The following KCNN3 variants were observed in gnomAD, a reference collection of about 807,000 sequenced individuals.
KCNN3 encodes the protein small conductance calcium-activated potassium channel protein 3.
Under a neutral mutation model 62.9 loss-of-function variants are expected in KCNN3, and 16 were observed. That is an observed-to-expected ratio of 0.25 (90% confidence interval 0.17 to 0.39). The LOEUF is 0.39. Among genes scored for constraint, KCNN3 ranks in the 10% least tolerant of loss-of-function variants. The pLI is 1.00. For synonymous variants in KCNN3, 370 were observed against 389.2 expected, an observed-to-expected ratio of 0.95 and a Z score of 0.58; for missense variants, 599 against 949.4, an observed-to-expected ratio of 0.63 and a Z score of 4.85.
At chr1:154,843,748 A>G (rs1251841908) in intron 1 of KCNN3, among the ~76,000 whole-genome samples, 1 of 152,204 alleles carries the variant, frequency 6.6e-6, no homozygotes. Flanking sequence ...CTTGCTTCCC[A>G]CAGAACCCAA....
intron 1 of KCNN3, among the ~76,000 whole-genome samples, chr1:154,826,857 G>A (rs1194472313): frequency 3.3e-5 from 5 of 152,226 alleles, no homozygotes. Flanking sequence ...CTTACAGACA[G>A]AGACCTGGAG....
chr1:154,786,804 A>G (rs1428646673), intron 2 of KCNN3, among the ~76,000 whole-genome samples: 9 of 152,204 alleles, frequency 5.9e-5, no homozygotes, highest in Admixed American at 5.2e-4. Context: ...AGAAGCCTAT[A>G]TTGCTTTTGT....
intron 1 of KCNN3, among the ~76,000 whole-genome samples, chr1:154,830,474 T>C (rs1393670234): frequency 6.6e-6 from 1 of 152,174 alleles, no homozygotes; most frequent in African/African-American, 2.4e-5. Context: ...GTTGTGTGGC[T>C]TTAGTGGTGT....
At chr1:154,857,626 T>C (rs16836479) in intron 1 of KCNN3, among the ~76,000 whole-genome samples, 2,209 of 152,268 alleles carry the variant, frequency 0.015, 54 homozygotes, top group African/African-American at 0.051. Context: ...TGCTGCACAA[T>C]GTGAGGGCGT....
At chr1:154,790,313 C>T (rs1649458009) in intron 2 of KCNN3, among the ~76,000 whole-genome samples, 1 of 152,164 alleles carries the variant, frequency 6.6e-6, no homozygotes, top group Non-Finnish European at 1.5e-5. Flanking sequence ...TACTCCTTAA[C>T]TTATGATGGG....
intron 3 of KCNN3, among the ~76,000 whole-genome samples, chr1:154,734,039 G>A (rs1262494287): frequency 6.6e-6 from 1 of 152,202 alleles, no homozygotes; most frequent in Non-Finnish European, 1.5e-5. Flanking sequence ...CCAAACACAT[G>A]AGGGTCCACA....
chr1:154,861,209 C>A (rs1045665582), intron 1 of KCNN3, among the ~76,000 whole-genome samples: 7 of 152,164 alleles, frequency 4.6e-5, no homozygotes, highest in African/African-American at 1.7e-4. Flanking sequence ...CCCTCCTTGG[C>A]CTCTCAAAGT....
chr1:154,818,961 C>T (rs1230119519), intron 2 of KCNN3, among the ~76,000 whole-genome samples: 1 of 152,194 alleles, frequency 6.6e-6, no homozygotes, highest in Non-Finnish European at 1.5e-5. Flanking sequence ...ATCATCTGGT[C>T]CCTGCTAAAA....
At chr1:154,760,001 C>T (rs1205422073) in intron 3 of KCNN3, among the ~76,000 whole-genome samples, 1 of 151,814 alleles carries the variant, frequency 6.6e-6, no homozygotes, top group African/African-American at 2.4e-5. Context: ...TCTTTCTCCT[C>T]TCTTTCTTTT....
chr1:154,725,076 G>A (rs978902049), intron 5 of KCNN3, among the ~76,000 whole-genome samples: 3 of 152,148 alleles, frequency 2.0e-5, no homozygotes, highest in Middle Eastern at 3.4e-3. Flanking sequence ...GGATGGTCTC[G>A]ATCTCTTGAC....
chr1:154,741,455 G>GT (rs1700820428), intron 3 of KCNN3, among the ~76,000 whole-genome samples: 1 of 152,200 alleles, frequency 6.6e-6, no homozygotes, highest in Non-Finnish European at 1.5e-5. Context: ...CAAAAGTGAG[G>GT]CTTGCTTCAG....
rs543677682 is a variant in KCNN3 at position 154,825,941 on chromosome 1, G to A, written c.934-3757C>T. 3.7e-3 allele frequency among the ~76,000 whole-genome samples: 561 copies of A among 151,580 alleles called. 1 individual carries two copies. The highest frequency in any genetic ancestry group is 0.013 in the African/African-American group (537 of 41,334). ...CAGGCGCCTGTAGTCCCAGCTACTC[G>A]GGAGACTGAGGCAGGAGAACGGCAT... On this transcript the variant is annotated intron_variant, in intron 1 of 7. Coordinates refer to ENST00000271915, the MANE Select transcript of KCNN3 (RefSeq NM_002249.6).
chr1:154,732,860 T>C, intron 4 of KCNN3, 143 bp downstream of exon 4: 3 of 796,576 alleles, frequency 3.8e-6, no homozygotes, highest in East Asian at 2.5e-5. Flanking sequence ...TGACATTTTA[T>C]GTGTAGGGGA....
intron 3 of KCNN3, among the ~76,000 whole-genome samples, chr1:154,760,384 C>T (rs1386204448): frequency 1.3e-5 from 2 of 150,408 alleles, no homozygotes; most frequent in South Asian, 4.3e-4. Flanking sequence ...AAAGCGGCCG[C>T]GGAGTGGGAC....
chr1:154,754,728 T>C (rs1424836797), intron 3 of KCNN3, among the ~76,000 whole-genome samples: 2 of 152,210 alleles, frequency 1.3e-5, no homozygotes, highest in East Asian at 1.9e-4. Context: ...GATGATGCCA[T>C]AGAGCAGCAT....
At chr1:154,775,365 C>G (rs1648744586) in intron 2 of KCNN3, among the ~76,000 whole-genome samples, 1 of 152,126 alleles carries the variant, frequency 6.6e-6, no homozygotes, top group Non-Finnish European at 1.5e-5. Context: ...GAGGCACAGA[C>G]AGGGGAGGCA....
chr1:154,729,027 C>A (rs1700534180), intron 4 of KCNN3, among the ~76,000 whole-genome samples: 2 of 152,304 alleles, frequency 1.3e-5, no homozygotes, highest in South Asian at 4.1e-4. Flanking sequence ...GTCTGACAGG[C>A]CACAGTGGCA....
chr1:154,855,648 A>G (rs114953087), intron 1 of KCNN3, among the ~76,000 whole-genome samples: 3,118 of 152,322 alleles, frequency 0.02, 97 homozygotes, highest in African/African-American at 0.07. Context: ...TGCTCACACA[A>G]TGATGAAATT....
rs555775181 is a variant in KCNN3, at chr1:154,732,902, C to G, written c.1590+101G>C. On this transcript the variant is annotated intron_variant, in intron 4 of 7. Transcript: ENST00000271915. ...TGCAGGTCGGTTAACTAACAGCCAC[C>G]CCCCGCTCTGCGGCTAGGAAGGCCC... The G allele has an allele frequency of 3.1e-4, 416 of 1,342,358 alleles. 1 individual carries two copies. Among genetic ancestry groups the G allele is most frequent in the South Asian group, 7.9e-4 (67 of 85,106 alleles). The allele number at this position is 1,342,358 out of a possible 1,614,324, so 83.2% of individuals were successfully genotyped here.
Sources: gnomAD v4.1 joint callset for allele counts (sites outside exome capture counted in the v4.1 genomes callset) on GRCh38, gnomAD v4.1.1 for gene constraint, MANE v1.5 for transcripts, NCBI Gene and HGNC (gene_info 2026-07-23, HGNC 2026-07-21) for gene names.